UPF2: variants seen among roughly 807,000 people sequenced by gnomAD.
UPF2 encodes UPF2 regulator of nonsense mediated mRNA decay.
Under a neutral mutation model 141.4 loss-of-function variants are expected in UPF2, and 17 were observed. The ratio of observed to expected loss-of-function variants is 0.12; its 90% confidence interval spans 0.08 to 0.18. The LOEUF is 0.18. Ranked by LOEUF, UPF2 falls within the 10% of genes least tolerant of loss-of-function variation. UPF2 has a pLI of 1.00. For synonymous variants in UPF2, 540 were observed against 498.0 expected (o/e 1.08, Z -1.12); for missense variants, 1,152 against 1,515.9 (o/e 0.76, Z 3.99).
intron 8 of UPF2, among the ~76,000 whole-genome samples, chr10:11,982,808 T>G (rs968267347): frequency 8.5e-5 from 13 of 152,104 alleles, no homozygotes; most frequent in African/African-American, 3.1e-4. Context: ...TTAGTAGAGA[T>G]GGAGTTTCTC....
In UPF2 at chr10:11,942,707, G is replaced by A; in HGVS notation, c.3336C>T (p.Asp1112=). 6.2e-7 allele frequency: 1 copy of A among 1,613,972 alleles called. No individual in the cohort carries two copies. The highest frequency in any genetic ancestry group is 1.3e-5 in the African/African-American group (1 of 75,038). Residue 1112 remains aspartate (D), a synonymous_variant, in exon 18 of 22, where the codon GAC becomes GAT. Coordinates refer to ENST00000357604, the MANE Select transcript of UPF2 (RefSeq NM_015542.4). ...LKHVPCVEDE[D]FIQALDKMML... is the part of the protein sequence containing the mutation. ...TCATTTTATCCAGAGCTTGAATGAA[G>A]TCCTCATCTTCTACACAAGGTACAT...
At chr10:11,941,751 C>T (rs535445864) in intron 18 of UPF2, among the ~76,000 whole-genome samples, 11 of 152,288 alleles carry the variant, frequency 7.2e-5, no homozygotes, top group South Asian at 2.1e-4. Flanking sequence ...CCACTCGTCA[C>T]GTCACCAAAG....
chr10:12,023,895 T>C (rs903262220), intron 3 of UPF2, among the ~76,000 whole-genome samples: 10 of 146,064 alleles, frequency 6.8e-5, no homozygotes, highest in Non-Finnish European at 1.1e-4. Context: ...AGGAGGTTGA[T>C]GGAGGACTGC....
intron 3 of UPF2, among the ~76,000 whole-genome samples, chr10:12,023,789 G>C (rs1834360994): frequency 1.3e-5 from 2 of 151,910 alleles, no homozygotes; most frequent in African/African-American, 4.8e-5. Context: ...TCAGGAGTTT[G>C]GGACCATCCT....
chr10:12,026,646 C>CTTTT (rs760035093), intron 3 of UPF2: 169 of 389,154 alleles, frequency 4.3e-4, no homozygotes, highest in Middle Eastern at 7.7e-4. Context: ...TTCCTATAAA[C>CTTTT]TTTTTTTTTT....
chr10:11,959,075 T>A lies in UPF2; in HGVS notation c.2370+96A>T, dbSNP rs910702907. 8.2e-6 allele frequency: 10 copies of A among 1,222,810 alleles called. No homozygotes were observed. The highest frequency in any genetic ancestry group is 1.1e-5 in the Non-Finnish European group (10 of 918,052). 75.7% of individuals were successfully genotyped at this position (1,222,810 alleles called of 1,614,324 possible). A position where few individuals can be genotyped will look rare whatever the true frequency, so the allele number is the denominator to read the frequency against. On this transcript the variant is annotated intron_variant, in intron 12 of 21. Transcript: ENST00000357604. The surrounding 1 kb of genome is among the most constrained non-coding windows in gnomAD (Gnocchi z 5.9). ...TACACAGAGCTGATTATAAAGGAAC[T>A]TGAGCTCTACCCCCACTTCTCCTAG...
At chr10:12,027,728 T>G (rs559368684) in intron 3 of UPF2, among the ~76,000 whole-genome samples, 11 of 152,326 alleles carry the variant, frequency 7.2e-5, no homozygotes, top group African/African-American at 2.6e-4. Flanking sequence ...AGTCTCTACC[T>G]TGACCCTGCC....
chr10:11,966,635 G>A (rs867931968), intron 10 of UPF2, among the ~76,000 whole-genome samples: 6 of 152,138 alleles, frequency 3.9e-5, no homozygotes, highest in Middle Eastern at 3.2e-3. Flanking sequence ...TGTTGGTCAG[G>A]CTGGTCTCGA....
chr10:11,961,270 T>G (rs563464144), intron 11 of UPF2, among the ~76,000 whole-genome samples: 10 of 152,072 alleles, frequency 6.6e-5, no homozygotes, highest in African/African-American at 2.4e-4. Context: ...CAATAATAAT[T>G]GCAACAGTAG....
rs1429222092 is a variant in UPF2, at chr10:11,998,466, T to C, written c.1759-709A>G. Among the ~76,000 whole-genome samples, 5 of 152,240 alleles carry C rather than the reference T, an allele frequency of 3.3e-5. No individual in the cohort carries two copies. Among genetic ancestry groups the C allele is most frequent in the Admixed American group, 6.5e-5 (1 of 15,288 alleles). On this transcript the variant is annotated intron_variant, in intron 7 of 21. Transcript: ENST00000357604. This position sits in a 1 kb window ranked among gnomAD's most constrained non-coding sequence, Gnocchi z 4.5. Reference sequence around the variant, plus strand: ...GGCACAATCATGGCTCACTGCAGCCTTGCTCTGCCAGGCTCCAGGGATCCT... The same window carrying C: ...GGCACAATCATGGCTCACTGCAGCCCTGCTCTGCCAGGCTCCAGGGATCCT...
At chr10:11,923,227 G>T (rs1239872223) in intron 21 of UPF2, 1 of 152,214 alleles carries the variant, frequency 6.6e-6, no homozygotes, top group African/African-American at 2.4e-5. Context: ...GTGATACAGA[G>T]AAGACTAGCA....
At chr10:11,963,233 C>T (rs1022014705) in intron 11 of UPF2, among the ~76,000 whole-genome samples, 8 of 152,196 alleles carry the variant, frequency 5.3e-5, no homozygotes, top group Non-Finnish European at 8.8e-5. Flanking sequence ...ATTAGAATTA[C>T]GTAGTTAACT....
At chr10:11,995,347 T>G (rs1312697207) in intron 8 of UPF2, among the ~76,000 whole-genome samples, 2 of 152,174 alleles carry the variant, frequency 1.3e-5, no homozygotes, top group African/African-American at 4.8e-5. Flanking sequence ...GAAAACCAGC[T>G]AGCTAAGAAA....
intron 9 of UPF2, among the ~76,000 whole-genome samples, chr10:11,968,261 T>C (rs1482069984): frequency 1.3e-5 from 2 of 152,182 alleles, no homozygotes. Flanking sequence ...AGTCCCAAGA[T>C]GTGCTCTGCA....
At chr10:12,002,679 A>G (rs1229970983) in intron 5 of UPF2, among the ~76,000 whole-genome samples, 1 of 152,232 alleles carries the variant, frequency 6.6e-6, no homozygotes, top group Non-Finnish European at 1.5e-5. Context: ...ATGAAACACA[A>G]CAAAGGAAAA....
chr10:11,998,984 C>T lies in UPF2; in HGVS notation c.1758+922G>A, dbSNP rs1396368533. Among the ~76,000 whole-genome samples, 1 of 147,534 alleles carries T rather than the reference C, an allele frequency of 6.8e-6. No homozygotes were observed. The highest frequency in any genetic ancestry group is 1.5e-5 in the Non-Finnish European group (1 of 67,370). On this transcript the variant is annotated intron_variant, in intron 7 of 21. Transcript: ENST00000357604. This position sits in a 1 kb window ranked among gnomAD's most constrained non-coding sequence, Gnocchi z 4.5. ...AGGTTGCAGTGAGCCAAGACCGTGC[C>T]ACTGCACTCCAGACCGGGCAACAGA...
At chr10:11,933,735 C>T (rs1485292122) in intron 19 of UPF2, among the ~76,000 whole-genome samples, 4 of 152,056 alleles carry the variant, frequency 2.6e-5, no homozygotes, top group South Asian at 2.1e-4. Flanking sequence ...AATTCCTACA[C>T]GTTCTATAAG....
intron 9 of UPF2, among the ~76,000 whole-genome samples, chr10:11,978,451 G>T (rs187180578): frequency 6.6e-5 from 10 of 152,268 alleles, no homozygotes; most frequent in African/African-American, 2.4e-4. Context: ...GGTAACATGG[G>T]TTGGGAGAAC....
Position 12,029,565 on chromosome 10 carries a change from T to G in UPF2, c.366-41A>C, listed in dbSNP as rs751055582. ...CAAATAAATAAAATACTCTCTACAT[T>G]TTGAAGCATTATACACAAATCCCCT... is the stretch of plus-strand genomic sequence containing the variant. On this transcript the variant is annotated intron_variant, in intron 2 of 21. Transcript: ENST00000357604. The G allele has an allele frequency of 7.2e-6, 11 of 1,527,008 alleles. No individual in the cohort carries two copies. In the African/African-American group the frequency reaches 1.1e-4, roughly 16 times the overall value. 94.6% of individuals were successfully genotyped at this position (1,527,008 alleles called of 1,614,324 possible).
Sources: allele counts gnomAD v4.1 joint callset (sites outside exome capture counted in the v4.1 genomes callset), GRCh38; gene constraint gnomAD v4.1.1; non-coding constraint Gnocchi (gnomAD v3.1); transcripts MANE v1.5; gene names NCBI Gene and HGNC (gene_info 2026-07-23, HGNC 2026-07-21).